Variants in CIT observed in about 807,000 individuals in gnomAD.
CIT encodes the protein citron Rho-interacting kinase.
Under a neutral mutation model 272.7 loss-of-function variants are expected in CIT, and 79 were observed. That is an observed-to-expected ratio of 0.29 (90% confidence interval 0.24 to 0.35). The LOEUF (loss-of-function observed/expected upper bound fraction) is 0.35, where lower values mean the gene tolerates loss of function less well. Among genes scored for constraint, CIT ranks in the 10% least tolerant of loss-of-function variants. The pLI, the probability that CIT is intolerant of heterozygous loss-of-function variation, is 1.00. For missense variants in CIT, 1,909 were observed against 2,618.3 expected, an observed-to-expected ratio of 0.73 and a Z score of 5.91; for synonymous variants, 948 against 995.6, an observed-to-expected ratio of 0.95 and a Z score of 0.90.
chr12:119,688,518 A>G (rs1035216259), intron 47 of CIT, among the ~76,000 whole-genome samples: 5 of 152,236 alleles, frequency 3.3e-5, no homozygotes, highest in South Asian at 2.1e-4. Flanking sequence ...TCATCGGTCA[A>G]TTGGGAGGGA....
At chr12:119,734,496 C>G in intron 25 of CIT, 139 bp from the exon 26 acceptor site, 9 of 878,966 alleles carry the variant, frequency 1.0e-5, no homozygotes, top group Non-Finnish European at 1.6e-5. Context: ...TTCTGCAGCC[C>G]AAGGGGACCA....
At chr12:119,830,020 C>T (rs950532212) in intron 7 of CIT, among the ~76,000 whole-genome samples, 5 of 151,332 alleles carry the variant, frequency 3.3e-5, no homozygotes, top group Middle Eastern at 3.2e-3. Context: ...TTTAGGCCTA[C>T]AGACATTTCA....
At position 119,718,210 on chromosome 12, in the gene CIT, C is replaced by T. The variant is rs556217523; in HGVS notation, c.4168+35G>A. Reference sequence around the variant, plus strand: ...TTACCATATGCCCACATGTCTTAGTCGACTAAAAGAAATTTCCATACAACT... The same window carrying T: ...TTACCATATGCCCACATGTCTTAGTTGACTAAAAGAAATTTCCATACAACT... On this transcript the variant is annotated intron_variant, in intron 32 of 47. Transcript: ENST00000392521. This position sits in a 1 kb window ranked among gnomAD's most constrained non-coding sequence, Gnocchi z 4.8. 8.9e-6 allele frequency: 14 copies of T among 1,579,764 alleles called. No individual in the cohort carries two copies. In the African/African-American group the frequency reaches 1.1e-4, roughly 12 times the overall value.
In CIT at chr12:119,718,274, C is replaced by G; in HGVS notation, c.4139G>C (p.Ser1380Thr). Residue 1380 changes from serine to threonine, a missense_variant, in exon 32 of 48, where the codon AGC (serine) becomes ACC (threonine). Transcript: ENST00000392521. This position sits in a 1 kb window ranked among gnomAD's most constrained non-coding sequence, Gnocchi z 4.8. The stretch of plus-strand genomic sequence containing the variant: ...TGGAGTTGAAGACTCCTTTCTGCGG[C>G]TGGATGGCGGGGCCAGCAGGCTCAT... ...SAMSLLAPPS[S>T]RRKESSTPEE... 6 of 1,613,550 alleles carry G rather than the reference C, an allele frequency of 3.7e-6. No individual in the cohort carries two copies. The highest frequency in any genetic ancestry group is 5.1e-6 in the Non-Finnish European group (6 of 1,179,590).
At position 119,772,763 on chromosome 12, in the gene CIT, T is replaced by C. The variant is rs778078021; in HGVS notation, c.2082+7A>G. 6 of 1,611,196 alleles carry C rather than the reference T, an allele frequency of 3.7e-6. No individual in the cohort carries two copies. Among genetic ancestry groups the C allele is most frequent in the Admixed American group, 1.7e-5 (1 of 59,618 alleles). ...GCTGGGGCCTGGGCTGGAGGTTCCC[T>C]GCTCACCTCAGCTTCCACCAGCTTC... is the stretch of plus-strand genomic sequence containing the variant. On this transcript the variant is annotated splice_region_variant and intron_variant, in intron 17 of 47. Coordinates refer to ENST00000392521, the MANE Select transcript of CIT (RefSeq NM_001206999.2).
intron 10 of CIT, among the ~76,000 whole-genome samples, chr12:119,797,333 C>T (rs1965811781): frequency 6.6e-6 from 1 of 152,232 alleles, no homozygotes; most frequent in Non-Finnish European, 1.5e-5. Context: ...CCTGCCAGGG[C>T]TGCAAGGCAG....
At chr12:119,866,692 G>A (rs1359536258) in intron 3 of CIT, among the ~76,000 whole-genome samples, 1 of 152,120 alleles carries the variant, frequency 6.6e-6, no homozygotes, top group Non-Finnish European at 1.5e-5. Flanking sequence ...GGTGGCATGG[G>A]CCTGTAGTAC....
chr12:119,825,354 G>T lies in CIT; in HGVS notation c.768C>A (p.Leu256=), dbSNP rs1386505503. The change falls in exon 8 of 48, where the codon CTC becomes CTA. Residue 256 remains leucine, a synonymous_variant. Transcript: ENST00000392521. ...MNSNKMVNAK[L]PIGTPDYMAP... is the part of the protein sequence containing the mutation. ...CCATGTAATCTGGGGTCCCAATCGGGAGTTTGGCATTCACCTAGAATCCCA... is the reference window on the plus strand; with the variant it reads ...CCATGTAATCTGGGGTCCCAATCGGTAGTTTGGCATTCACCTAGAATCCCA... The T allele has an allele frequency of 1.2e-6, 2 of 1,613,910 alleles. No individual in the cohort carries two copies. Among genetic ancestry groups the T allele is most frequent in the Admixed American group, 3.3e-5 (2 of 59,970 alleles).
intron 5 of CIT, among the ~76,000 whole-genome samples, chr12:119,836,907 TC>T (rs1969057654): frequency 6.6e-6 from 1 of 152,212 alleles, no homozygotes; most frequent in South Asian, 2.1e-4. Flanking sequence ...ATTCTTTGCT[TC>T]CATTCAGAAG....
At chr12:119,734,995 T>C (rs1298685904) in intron 25 of CIT, among the ~76,000 whole-genome samples, 165 bp downstream of exon 25, 1 of 152,056 alleles carries the variant, frequency 6.6e-6, no homozygotes, top group Non-Finnish European at 1.5e-5. Flanking sequence ...ACTTTTAAAA[T>C]ACATTTTTAA....
At chr12:119,839,402 A>C (rs2707734) in intron 5 of CIT, among the ~76,000 whole-genome samples, 86 of 152,322 alleles carry the variant, frequency 5.6e-4, no homozygotes, top group African/African-American at 1.9e-3. Context: ...TTGCACGCTC[A>C]GCACAACTGA....
intron 10 of CIT, among the ~76,000 whole-genome samples, chr12:119,785,765 A>C (rs1218122380): frequency 6.6e-6 from 1 of 152,122 alleles, no homozygotes; most frequent in Non-Finnish European, 1.5e-5. Context: ...TTTTTAGTAG[A>C]GATGGGGTTT....
chr12:119,838,538 G>A (rs1969182630), intron 5 of CIT, among the ~76,000 whole-genome samples: 1 of 152,208 alleles, frequency 6.6e-6, no homozygotes, highest in African/African-American at 2.4e-5. Flanking sequence ...AGCTACTGCG[G>A]TGATTCAGAG....
intron 7 of CIT, among the ~76,000 whole-genome samples, chr12:119,829,942 T>G (rs1462185906): frequency 6.6e-6 from 1 of 151,986 alleles, no homozygotes; most frequent in Non-Finnish European, 1.5e-5. Flanking sequence ...TAATATATGG[T>G]AGTTCCAGTA....
At chr12:119,835,221 C>T (rs1015055656) in intron 5 of CIT, among the ~76,000 whole-genome samples, 4 of 152,226 alleles carry the variant, frequency 2.6e-5, no homozygotes, top group African/African-American at 4.8e-5. Context: ...TTAGCCTGGG[C>T]GGCTTCAGCC....
chr12:119,824,793 G>A (rs949848265), intron 8 of CIT, among the ~76,000 whole-genome samples: 2 of 151,844 alleles, frequency 1.3e-5, no homozygotes, highest in Non-Finnish European at 2.9e-5. Flanking sequence ...TTGGTTTTTT[G>A]TTTTGTTTTG....
At chr12:119,689,045 G>A (rs982820801) in intron 47 of CIT, among the ~76,000 whole-genome samples, 6 of 151,676 alleles carry the variant, frequency 4.0e-5, no homozygotes, top group African/African-American at 1.5e-4. Flanking sequence ...GACAGATGGT[G>A]GCTTGAGCCT....
Position 119,707,796 on chromosome 12 carries a change from G to A in CIT, c.5211+383C>T, listed in dbSNP as rs373815465. ...ATTACAGGCATGAGCCACCGCGCCC[G>A]GCCAGGCCATTGCAATCTTACACAA... On this transcript the variant is annotated intron_variant, in intron 40 of 47. Coordinates refer to ENST00000392521, the MANE Select transcript of CIT (RefSeq NM_001206999.2). Among the ~76,000 whole-genome samples, 29 of 152,252 alleles carry A rather than the reference G, an allele frequency of 1.9e-4. 1 individual carries two copies. In the East Asian group the frequency reaches 3.1e-3, roughly 16 times the overall value.
chr12:119,845,826 T>C (rs1261365948), intron 5 of CIT, among the ~76,000 whole-genome samples: 1 of 150,884 alleles, frequency 6.6e-6, no homozygotes, highest in East Asian at 2.0e-4. Context: ...GTCACACGCC[T>C]GTAATCCCAA....
Sources: allele counts gnomAD v4.1 joint callset (sites outside exome capture counted in the v4.1 genomes callset), GRCh38; gene constraint gnomAD v4.1.1; non-coding constraint Gnocchi (gnomAD v3.1); transcripts MANE v1.5; gene names NCBI Gene and HGNC (gene_info 2026-07-23, HGNC 2026-07-21).